TCF12: variants seen among roughly 807,000 people sequenced by gnomAD.
TCF12 encodes the protein DNA-binding protein HTF4.
Under a neutral mutation model 86.0 loss-of-function variants are expected in TCF12, and 45 were observed. The ratio of observed to expected loss-of-function variants is 0.52; its 90% CI spans 0.41 to 0.67. TCF12 has a LOEUF of 0.67. Ranked by LOEUF, TCF12 falls within the 30% of genes least tolerant of loss-of-function variation. TCF12 has a pLI of 0.00. For missense variants in TCF12, 881 were observed against 859.9 expected, an observed-to-expected ratio of 1.02 and a Z score of -0.31; for synonymous variants, 330 against 299.6, an observed-to-expected ratio of 1.10 and a Z score of -1.05.
At chr15:57,013,122 G>A (rs1361234856) in intron 3 of TCF12, among the ~76,000 whole-genome samples, 1 of 151,870 alleles carries the variant, frequency 6.6e-6, no homozygotes, top group African/African-American at 2.4e-5. Flanking sequence ...GAGATAATCT[G>A]CCTCAGATGG....
At chr15:57,031,242 T>C (rs2066162029) in intron 3 of TCF12, among the ~76,000 whole-genome samples, 1 of 152,208 alleles carries the variant, frequency 6.6e-6, no homozygotes, top group African/African-American at 2.4e-5. Context: ...TGTCAAGTGA[T>C]TGCTAAGGGC....
At chr15:56,969,891 TGGG>T (rs1240855347) in intron 3 of TCF12, among the ~76,000 whole-genome samples, 2 of 152,124 alleles carry the variant, frequency 1.3e-5, no homozygotes, top group African/African-American at 4.8e-5. Flanking sequence ...ATTTAGAAGT[TGGG>T]GTGATGAGCA....
intron 5 of TCF12, among the ~76,000 whole-genome samples, chr15:57,146,527 A>G (rs937240627): frequency 5.3e-5 from 8 of 152,196 alleles, no homozygotes; most frequent in African/African-American, 1.9e-4. Flanking sequence ...TCAAATTTAT[A>G]TTATAGAACT....
At chr15:56,978,914 G>T (rs1437478125) in intron 3 of TCF12, among the ~76,000 whole-genome samples, 1 of 152,164 alleles carries the variant, frequency 6.6e-6, no homozygotes, top group African/African-American at 2.4e-5. Flanking sequence ...ATGTGGCTGT[G>T]ACTGAGCAAC....
intron 3 of TCF12, among the ~76,000 whole-genome samples, chr15:56,999,059 G>A (rs1020599753): frequency 1.3e-5 from 2 of 152,044 alleles, no homozygotes; most frequent in African/African-American, 2.4e-5. Context: ...TTAGCTGGGC[G>A]TGGTGGCGGG....
At chr15:56,993,184 T>G (rs1212217597) in intron 3 of TCF12, among the ~76,000 whole-genome samples, 1 of 152,166 alleles carries the variant, frequency 6.6e-6, no homozygotes, top group Non-Finnish European at 1.5e-5. Flanking sequence ...AAAAGACGCC[T>G]GCTACTTCTG....
intron 3 of TCF12, among the ~76,000 whole-genome samples, chr15:56,947,276 G>A (rs1052198717): frequency 1.3e-5 from 2 of 151,950 alleles, no homozygotes; most frequent in African/African-American, 4.8e-5. Context: ...GTTGTTTTTC[G>A]CCTGCCATTG....
intron 3 of TCF12, among the ~76,000 whole-genome samples, chr15:56,969,042 T>C (rs1423828141): frequency 6.6e-6 from 1 of 152,218 alleles, no homozygotes; most frequent in African/African-American, 2.4e-5. Flanking sequence ...AGCAGTTATA[T>C]GTATTTGTCT....
chr15:57,104,983 C>T (rs191893328), intron 5 of TCF12, among the ~76,000 whole-genome samples: 3 of 147,998 alleles, frequency 2.0e-5, no homozygotes, highest in Admixed American at 6.8e-5. Context: ...AAGCAATTCT[C>T]CTGCCTCAGC....
At chr15:57,265,190 C>T (rs2060805554) in intron 18 of TCF12, among the ~76,000 whole-genome samples, 1 of 151,752 alleles carries the variant, frequency 6.6e-6, no homozygotes, top group Non-Finnish European at 1.5e-5. Flanking sequence ...TACAGCAGGT[C>T]CTCAAAGAAC....
intron 6 of TCF12, among the ~76,000 whole-genome samples, chr15:57,173,220 A>C (rs1333971838): frequency 6.6e-6 from 1 of 152,232 alleles, no homozygotes; most frequent in Non-Finnish European, 1.5e-5. Context: ...AATAATAATG[A>C]AAATGTGATA....
chr15:57,043,539 C>G (rs2067031967), intron 3 of TCF12, among the ~76,000 whole-genome samples: 1 of 152,028 alleles, frequency 6.6e-6, no homozygotes, highest in Non-Finnish European at 1.5e-5. Context: ...TTGCATTTCC[C>G]TGATGATCAG....
chr15:57,218,325 C>T (rs1327072256), intron 8 of TCF12, among the ~76,000 whole-genome samples: 9 of 152,056 alleles, frequency 5.9e-5, no homozygotes, highest in African/African-American at 2.2e-4. Context: ...AGGGAAATGA[C>T]ACAAAAAGGG....
intron 16 of TCF12, 108 bp from the exon 17 acceptor site, chr15:57,261,986 A>C: frequency 3.1e-6 from 2 of 637,372 alleles, no homozygotes; most frequent in Non-Finnish European, 5.0e-6. Flanking sequence ...TGCTGAAATC[A>C]GATGAGTGAC....
chr15:57,263,301 T>C (rs1428546411), intron 18 of TCF12, 27 bp downstream of exon 18: 1 of 1,587,820 alleles, frequency 6.3e-7, no homozygotes, highest in Non-Finnish European at 8.5e-7. Flanking sequence ...AGGTTTTAAA[T>C]TTTATTCATT....
intron 3 of TCF12, among the ~76,000 whole-genome samples, chr15:56,936,278 T>G (rs1404827117): frequency 1.3e-5 from 2 of 152,248 alleles, no homozygotes; most frequent in Non-Finnish European, 2.9e-5. Flanking sequence ...TTGTATATCT[T>G]CTTTTGAGAA....
intron 6 of TCF12, among the ~76,000 whole-genome samples, chr15:57,168,234 A>G (rs2055045494): frequency 6.6e-6 from 1 of 152,260 alleles, no homozygotes; most frequent in African/African-American, 2.4e-5. Context: ...GTTACAATTC[A>G]GGGCTTCCAT....
chr15:57,143,054 G>A (rs1383557202), intron 5 of TCF12, among the ~76,000 whole-genome samples: 7 of 151,386 alleles, frequency 4.6e-5, no homozygotes, highest in Non-Finnish European at 1.0e-4. Flanking sequence ...TGCTTGAGGT[G>A]ATGGATACCG....
intron 3 of TCF12, among the ~76,000 whole-genome samples, chr15:57,034,756 A>G (rs2080422321): frequency 6.6e-6 from 1 of 152,208 alleles, no homozygotes; most frequent in Non-Finnish European, 1.5e-5. Context: ...CCGTATAGTT[A>G]ATAAGCAGTA....
Sources: allele counts gnomAD v4.1 joint callset (sites outside exome capture counted in the v4.1 genomes callset), GRCh38; gene constraint gnomAD v4.1.1; transcripts MANE v1.5; gene names NCBI Gene and HGNC (gene_info 2026-07-23, HGNC 2026-07-21).